The following PDE6D variants were observed in gnomAD, a reference collection of about 807,000 sequenced individuals.
PDE6D encodes the protein retinal rod rhodopsin-sensitive cGMP 3',5'-cyclic phosphodiesterase subunit delta.
PDE6D carries 10 observed loss-of-function variants against 21.9 expected under a neutral mutation model. That is an observed-to-expected ratio of 0.46 (90% CI 0.28 to 0.78). The LOEUF (loss-of-function observed/expected upper bound fraction) is 0.78, where lower values mean the gene tolerates loss of function less well. Ranked by LOEUF, PDE6D falls within the 30% of genes least tolerant of loss-of-function variation. The pLI, the probability that PDE6D is intolerant of heterozygous loss-of-function variation, is 0.12. For synonymous variants in PDE6D, 59 were observed against 63.5 expected, an observed-to-expected ratio of 0.93 and a Z score of 0.34; for missense variants, 139 against 184.8, an observed-to-expected ratio of 0.75 and a Z score of 1.44.
chr2:231,781,051 T>C lies in PDE6D; in HGVS notation c.50+14A>G, dbSNP rs1486465592. The C allele has an allele frequency of 1.2e-6, 2 of 1,610,712 alleles. No individual in the cohort carries two copies. Among genetic ancestry groups the C allele is most frequent in the Admixed American group, 1.7e-5 (1 of 59,966 alleles). On this transcript the variant is annotated intron_variant, in intron 1 of 4. Transcript: ENST00000287600. ...CCAAGTCCTCCCGGCCCCGCCCCGC[T>C]CCCGGACGGATACAGTTTGAAGCCC...
rs557251431 is a variant in PDE6D at position 231,745,701 on chromosome 2, G to A, written c.51-6513C>T. On this transcript the variant is annotated intron_variant, in intron 1 of 4. Transcript: ENST00000287600. ...ACCAATAGTTTGCAAAGTATTAAGC[G>A]TTAGGAAAGGTAAAAAAGGAAGTAA... Among the ~76,000 whole-genome samples the A allele has an allele frequency of 1.4e-3, 211 of 152,304 alleles. 1 individual carries two copies. The highest frequency in any genetic ancestry group is 4.5e-3 in the African/African-American group (186 of 41,556).
At chr2:231,768,898 C>T (rs542795187) in intron 1 of PDE6D, among the ~76,000 whole-genome samples, 3 of 152,052 alleles carry the variant, frequency 2.0e-5, no homozygotes, top group South Asian at 2.1e-4. Flanking sequence ...GCGGGAGTTT[C>T]GCTCTTGTTG....
chr2:231,758,304 T>G (rs977699108), intron 1 of PDE6D, among the ~76,000 whole-genome samples: 1 of 151,394 alleles, frequency 6.6e-6, no homozygotes, highest in African/African-American at 2.5e-5. Flanking sequence ...GCTAATTTTT[T>G]TTTTGTTTTT....
chr2:231,735,087 G>GAA (rs1355524208), intron 4 of PDE6D, among the ~76,000 whole-genome samples: 1 of 141,254 alleles, frequency 7.1e-6, no homozygotes, highest in Non-Finnish European at 1.5e-5. Context: ...CTAAAAATAC[G>GAA]AAAAATTAGC....
intron 1 of PDE6D, among the ~76,000 whole-genome samples, chr2:231,770,488 T>C (rs1189169477): frequency 6.6e-6 from 1 of 152,126 alleles, no homozygotes; most frequent in Non-Finnish European, 1.5e-5. Flanking sequence ...AGAGGATAAT[T>C]TTCAAGTGAA....
At chr2:231,744,514 A>ACCTCCG in intron 1 of PDE6D, among the ~76,000 whole-genome samples, 1 of 150,484 alleles carries the variant, frequency 6.6e-6, no homozygotes, top group South Asian at 2.1e-4. Flanking sequence ...GCTCACCACA[A>ACCTCCG]CCTCCGCCTC....
At chr2:231,757,455 G>A (rs1250377673) in intron 1 of PDE6D, among the ~76,000 whole-genome samples, 5 of 152,008 alleles carry the variant, frequency 3.3e-5, no homozygotes, top group African/African-American at 4.8e-5. Context: ...GTGCGACCAC[G>A]CCCAGCTAAT....
chr2:231,769,910 AC>A (rs1390027202), intron 1 of PDE6D, among the ~76,000 whole-genome samples: 1 of 152,216 alleles, frequency 6.6e-6, no homozygotes, highest in Admixed American at 6.5e-5. Context: ...TCTATAAGCT[AC>A]CCACAATATA....
chr2:231,739,985 G>T lies in PDE6D; in HGVS notation c.51-797C>A, dbSNP rs1364267575. On this transcript the variant is annotated intron_variant, in intron 1 of 4. Transcript: ENST00000287600. The surrounding 1 kb of genome is among the most constrained non-coding windows in gnomAD (Gnocchi z 4.2). ...AAAGACAGACCAAAACAAACTAAAA[G>T]AAAAAAGTAACTTAGAAGAATAAAG... Among the ~76,000 whole-genome samples the T allele has an allele frequency of 4.0e-5, 6 of 151,716 alleles. No individual in the cohort carries two copies. The East Asian group carries it at 1.2e-3, about 29-fold the overall frequency.
In PDE6D at chr2:231,740,909, C is replaced by T. The variant is rs556656464; in HGVS notation, c.51-1721G>A. Reference sequence around the variant, plus strand: ...ATCCCAGCACTTTGGGAGGCTGAGGCGGGCGGATCACCTGAAGTCGGGAGT... The same window carrying T: ...ATCCCAGCACTTTGGGAGGCTGAGGTGGGCGGATCACCTGAAGTCGGGAGT... On this transcript the variant is annotated intron_variant, in intron 1 of 4. Coordinates refer to ENST00000287600, the MANE Select transcript of PDE6D (RefSeq NM_002601.4). 4.6e-5 allele frequency among the ~76,000 whole-genome samples: 7 copies of T among 151,360 alleles called. No homozygotes were observed. The South Asian group carries it at 1.3e-3, about 27-fold the overall frequency.
chr2:231,770,565 T>C (rs2049006651), intron 1 of PDE6D, among the ~76,000 whole-genome samples: 1 of 152,118 alleles, frequency 6.6e-6, no homozygotes, highest in African/African-American at 2.4e-5. Flanking sequence ...GTCTGTTAAT[T>C]CCAGCACTTG....
chr2:231,742,495 A>G (rs2048758331), intron 1 of PDE6D, among the ~76,000 whole-genome samples: 1 of 152,234 alleles, frequency 6.6e-6, no homozygotes, highest in Admixed American at 6.5e-5. Context: ...AGAGAGTGCT[A>G]AGGTTTTTTT....
chr2:231,748,411 G>A (rs1215552388), intron 1 of PDE6D, among the ~76,000 whole-genome samples: 1 of 152,160 alleles, frequency 6.6e-6, no homozygotes, highest in Non-Finnish European at 1.5e-5. Context: ...GGTATCTGGT[G>A]GAAGAAATTT....
chr2:231,759,129 G>C (rs534741463), intron 1 of PDE6D, among the ~76,000 whole-genome samples: 1 of 151,868 alleles, frequency 6.6e-6, no homozygotes, highest in South Asian at 2.1e-4. Flanking sequence ...ACCAGCCTGG[G>C]TAACATAGGG....
intron 1 of PDE6D, among the ~76,000 whole-genome samples, chr2:231,758,748 T>G (rs2048902959): frequency 6.6e-6 from 1 of 152,188 alleles, no homozygotes; most frequent in Admixed American, 6.5e-5. Context: ...AATTTTCATA[T>G]GCATACCAGT....
chr2:231,737,328 C>A, intron 3 of PDE6D, 36 bp from the exon 4 acceptor site: 1 of 1,166,990 alleles, frequency 8.6e-7, no homozygotes, highest in Non-Finnish European at 1.3e-6. Context: ...TGAGCAGGTG[C>A]CCCAGTATAA....
intron 1 of PDE6D, 74 bp downstream of exon 1, chr2:231,780,991 G>A: frequency 1.5e-6 from 2 of 1,333,324 alleles, no homozygotes; most frequent in Non-Finnish European, 2.1e-6. Flanking sequence ...CGCGGCCCCC[G>A]CCCCCGGCCA....
chr2:231,732,934 T>G lies in PDE6D; in HGVS notation c.*18A>C. The G allele has an allele frequency of 6.4e-7, 1 of 1,551,374 alleles. No individual in the cohort carries two copies. The highest frequency in any genetic ancestry group is 8.9e-7 in the Non-Finnish European group (1 of 1,129,362). On this transcript the variant is annotated 3_prime_UTR_variant, in exon 5 of 5. Coordinates refer to ENST00000287600, the MANE Select transcript of PDE6D (RefSeq NM_002601.4). ...CTCCAAAAAACCCAAATTCTTGAAA[T>G]GTACACACATTCTTCTTTCAAACAT...
In PDE6D at chr2:231,737,294, T is replaced by A. The variant is rs750928233; in HGVS notation, c.266-2A>T. On this transcript the variant is annotated splice_acceptor_variant, in intron 3 of 4. Coordinates refer to ENST00000287600, the MANE Select transcript of PDE6D (RefSeq NM_002601.4). LOFTEE classifies it high-confidence loss of function. ...CAAAGCCAAACTCGAAGAACCATTC[T>A]GAAGGAAGAAGGAAAAGCCGGGGTG... 6.3e-7 allele frequency: 1 copy of A among 1,584,020 alleles called. No individual in the cohort carries two copies. Among genetic ancestry groups the A allele is most frequent in the Non-Finnish European group, 8.7e-7 (1 of 1,152,778 alleles).
Sources: allele counts gnomAD v4.1 joint callset (sites outside exome capture counted in the v4.1 genomes callset), GRCh38; gene constraint gnomAD v4.1.1; non-coding constraint Gnocchi (gnomAD v3.1); transcripts MANE v1.5; gene names NCBI Gene and HGNC (gene_info 2026-07-23, HGNC 2026-07-21).